The following TTC6 variants were observed in gnomAD, a reference collection of about 807,000 sequenced individuals.
TTC6 encodes tetratricopeptide repeat protein 6.
In TTC6, 172 loss-of-function variants were observed where a neutral mutation model predicts 210.4. That is an observed-to-expected ratio of 0.82 (90% CI 0.72 to 0.93). The LOEUF is 0.93. TTC6 is among the 40% of genes least tolerant of loss of function. The pLI is 0.00. For synonymous variants in TTC6, 804 were observed against 819.6 expected (o/e 0.98, Z 0.32); for missense variants, 2,414 against 2,318.1 (o/e 1.04, Z -0.85).
intron 25 of TTC6, among the ~76,000 whole-genome samples, chr14:37,815,552 T>G (rs1306014474): frequency 1.3e-5 from 2 of 152,020 alleles, no homozygotes; most frequent in African/African-American, 4.8e-5. Context: ...CCTCCTGCTG[T>G]GATTGAGATG....
intron 7 of TTC6, among the ~76,000 whole-genome samples, chr14:37,728,951 C>T (rs1595162596): frequency 1.3e-5 from 2 of 152,146 alleles, no homozygotes; most frequent in Non-Finnish European, 2.9e-5. Context: ...AAATGCATTT[C>T]GTATATCCAT....
At chr14:37,656,124 T>C (rs745797880) in intron 1 of TTC6, among the ~76,000 whole-genome samples, 2 of 152,196 alleles carry the variant, frequency 1.3e-5, no homozygotes, top group Non-Finnish European at 2.9e-5. Flanking sequence ...GCAAATTAAA[T>C]GTGTGAACAC....
intron 1 of TTC6, among the ~76,000 whole-genome samples, chr14:37,666,770 T>TGG (rs1476266573): frequency 6.6e-6 from 1 of 150,414 alleles, no homozygotes; most frequent in Admixed American, 6.6e-5. Context: ...ACCCCTGTCC[T>TGG]GGTAAGGTCC....
chr14:37,648,542 G>C (rs1225006998), intron 1 of TTC6, among the ~76,000 whole-genome samples: 1 of 151,934 alleles, frequency 6.6e-6, no homozygotes, highest in Non-Finnish European at 1.5e-5. Flanking sequence ...TCCACATTTG[G>C]TATCAAGATT....
chr14:37,752,876 GT>G (rs146249849), intron 13 of TTC6, among the ~76,000 whole-genome samples: 16 of 148,128 alleles, frequency 1.1e-4, no homozygotes, highest in South Asian at 6.4e-4. Flanking sequence ...GTATATGCCG[GT>G]TTTTTTTTTC....
intron 5 of TTC6, among the ~76,000 whole-genome samples, chr14:37,702,388 A>G (rs2095827196): frequency 1.3e-5 from 2 of 152,128 alleles, no homozygotes; most frequent in Admixed American, 1.3e-4. Flanking sequence ...GATATACTGT[A>G]TATCTGTTTA....
At chr14:37,737,850 T>C (rs2095906223) in intron 9 of TTC6, 116 bp downstream of exon 11, 2 of 534,190 alleles carry the variant, frequency 3.7e-6, no homozygotes, top group Non-Finnish European at 6.2e-6. Context: ...TCTAGTCTAA[T>C]TACATATTGA....
intron 17 of TTC6, 61 bp from the exon 20 acceptor site, chr14:37,795,209 A>G (rs1333618362): frequency 6.0e-6 from 7 of 1,171,032 alleles, no homozygotes; most frequent in Non-Finnish European, 8.4e-6. Flanking sequence ...GGAGAGGATA[A>G]ATATCAGAAA....
At chr14:37,633,527 A>C (rs536210042) in intron 1 of TTC6, among the ~76,000 whole-genome samples, 15 of 151,998 alleles carry the variant, frequency 9.9e-5, no homozygotes, top group Non-Finnish European at 2.1e-4. Context: ...TGCCTACTGC[A>C]TTGATCTCGC....
At chr14:37,701,887 A>C (rs1465118587) in intron 5 of TTC6, among the ~76,000 whole-genome samples, 1 of 152,200 alleles carries the variant, frequency 6.6e-6, no homozygotes, top group Non-Finnish European at 1.5e-5. Flanking sequence ...CAGATTTGAC[A>C]CTTGGACCCA....
At chr14:37,622,246 G>T in exon 1 of TTC6, 2 of 1,535,142 alleles carry the variant, frequency 1.3e-6, no homozygotes, top group Non-Finnish European at 1.7e-6. Flanking sequence ...GGCCCGGCCC[G>T]CCCCGCGCGC....
chr14:37,691,077 C>G (rs2095802773), intron 3 of TTC6, among the ~76,000 whole-genome samples: 1 of 152,090 alleles, frequency 6.6e-6, no homozygotes, highest in South Asian at 2.1e-4. Flanking sequence ...CATCTGCCAT[C>G]CTAGCACTTT....
intron 15 of TTC6, among the ~76,000 whole-genome samples, 183 bp downstream of exon 17, chr14:37,787,820 T>C (rs1280841725): frequency 6.6e-6 from 1 of 152,100 alleles, no homozygotes; most frequent in Non-Finnish European, 1.5e-5. Flanking sequence ...AGGTATACAA[T>C]ATATGAATAT....
chr14:37,746,293 T>C (rs893738315), intron 10 of TTC6, among the ~76,000 whole-genome samples: 3 of 152,192 alleles, frequency 2.0e-5, no homozygotes, highest in Non-Finnish European at 2.9e-5. Context: ...CCCTCACTTA[T>C]GCATTCTCTG....
At chr14:37,695,913 C>T (rs1388831966) in intron 3 of TTC6, among the ~76,000 whole-genome samples, 3 of 152,022 alleles carry the variant, frequency 2.0e-5, no homozygotes, top group Non-Finnish European at 4.4e-5. Context: ...GCCTTAGGAT[C>T]CACAAAGTAA....
chr14:37,666,197 G>A (rs968952762), intron 1 of TTC6, among the ~76,000 whole-genome samples: 5 of 150,134 alleles, frequency 3.3e-5, no homozygotes, highest in African/African-American at 1.2e-4. Flanking sequence ...TGGCCTTCAT[G>A]GCTGTGGTCC....
intron 14 of TTC6, among the ~76,000 whole-genome samples, chr14:37,756,910 T>C (rs569973197): frequency 5.1e-4 from 78 of 152,304 alleles, no homozygotes; most frequent in South Asian, 4.1e-3. Context: ...TTTGGAACAG[T>C]TTCAGAAGGA....
At chr14:37,619,181 C>T (rs1004919529), upstream of TTC6, among the ~76,000 whole-genome samples, 4 of 152,252 alleles carry the variant, frequency 2.6e-5, no homozygotes, top group South Asian at 4.1e-4. Context: ...ATTATTTTCA[C>T]TTTTTAATAT....
At chr14:37,711,148 A>G (rs1402094439) in intron 5 of TTC6, among the ~76,000 whole-genome samples, 1 of 152,180 alleles carries the variant, frequency 6.6e-6, no homozygotes, top group African/African-American at 2.4e-5. Flanking sequence ...CTTACCAATG[A>G]TTCTGCTTCC....
Sources: gnomAD v4.1 joint callset for allele counts (sites outside exome capture counted in the v4.1 genomes callset) on GRCh38, gnomAD v4.1.1 for gene constraint, MANE v1.5 for transcripts, NCBI Gene and HGNC (gene_info 2026-07-23, HGNC 2026-07-21) for gene names.